Variants in FGF14 observed in about 807,000 individuals in gnomAD.
The protein encoded by FGF14 is fibroblast growth factor 14.
In FGF14, 5 loss-of-function variants were observed where a neutral mutation model predicts 25.5. The ratio of observed to expected loss-of-function variants is 0.20; its 90% CI spans 0.10 to 0.41. FGF14 has a LOEUF of 0.41. FGF14 is among the 10% of genes least tolerant of loss of function. FGF14 has a pLI of 1.00. For missense variants in FGF14, 222 were observed against 320.1 expected (o/e 0.69, Z 2.34); for synonymous variants, 138 against 118.3 (o/e 1.17, Z -1.08).
intron 1 of FGF14, among the ~76,000 whole-genome samples, chr13:102,258,374 G>A (rs1485220610): frequency 6.6e-6 from 1 of 152,080 alleles, no homozygotes; most frequent in Admixed American, 6.5e-5. Context: ...AAGCGACCAT[G>A]GAGGTCGCTT....
At chr13:101,725,994 C>T (rs990273989) in intron 4 of FGF14, among the ~76,000 whole-genome samples, 5 of 151,882 alleles carry the variant, frequency 3.3e-5, no homozygotes, top group African/African-American at 1.2e-4. Flanking sequence ...TATACCCCTT[C>T]CTGCACACAA....
intron 1 of FGF14, among the ~76,000 whole-genome samples, chr13:102,249,098 G>A (rs555722877): frequency 5.3e-5 from 8 of 152,248 alleles, no homozygotes; most frequent in South Asian, 2.1e-4. Flanking sequence ...ACATAAACCC[G>A]GAAACGTGAA....
intron 1 of FGF14, among the ~76,000 whole-genome samples, chr13:102,189,328 A>C (rs1009117463): frequency 2.0e-5 from 3 of 152,206 alleles, no homozygotes; most frequent in African/African-American, 7.2e-5. Flanking sequence ...GCAGTGATAA[A>C]ATCAGAGGTG....
At chr13:102,348,313 C>A (rs1451001036) in intron 1 of FGF14, among the ~76,000 whole-genome samples, 1 of 152,132 alleles carries the variant, frequency 6.6e-6, no homozygotes, top group Non-Finnish European at 1.5e-5. Flanking sequence ...CCTAAAAGAT[C>A]AGCAGCCTTG....
In FGF14 at chr13:102,173,935, A is replaced by G. The variant is rs143260176; in HGVS notation, c.208+227536T>C. On this transcript the variant is annotated intron_variant, in intron 1 of 4. Transcript: ENST00000376131. ...TATTCAGTATAGTACTGAAAGTCCT[A>G]GCCAGAGCAATCAGGCAAGAGAAAG... 5.3e-5 allele frequency among the ~76,000 whole-genome samples: 8 copies of G among 152,238 alleles called. No individual in the cohort carries two copies. The East Asian group carries it at 1.4e-3, about 26-fold the overall frequency.
At chr13:101,742,282 T>C (rs1268488078) in intron 3 of FGF14, among the ~76,000 whole-genome samples, 1 of 152,186 alleles carries the variant, frequency 6.6e-6, no homozygotes, top group African/African-American at 2.4e-5. Flanking sequence ...TGTATACCTA[T>C]GTAACAAACC....
intron 1 of FGF14, among the ~76,000 whole-genome samples, chr13:102,332,901 C>T (rs1241521934): frequency 6.6e-6 from 1 of 152,112 alleles, no homozygotes; most frequent in Admixed American, 6.6e-5. Context: ...ACAAACAAAT[C>T]AGAACTAAGA....
At chr13:102,180,528 G>A (rs1323492276) in intron 1 of FGF14, among the ~76,000 whole-genome samples, 2 of 152,040 alleles carry the variant, frequency 1.3e-5, no homozygotes, top group Non-Finnish European at 2.9e-5. Context: ...GGCCAGGCTG[G>A]TTTTGAACTC....
chr13:101,957,903 A>G (rs1357593973), intron 1 of FGF14, among the ~76,000 whole-genome samples: 2 of 152,210 alleles, frequency 1.3e-5, no homozygotes. Flanking sequence ...ACAAGAAAAA[A>G]AAATTGGTGA....
intron 1 of FGF14, among the ~76,000 whole-genome samples, chr13:102,261,412 T>C (rs552594368): frequency 2.0e-5 from 3 of 152,208 alleles, no homozygotes; most frequent in Non-Finnish European, 2.9e-5. Flanking sequence ...GAAAAACCAA[T>C]GTGAATGTAG....
intron 1 of FGF14, 80 bp from the exon 2 acceptor site, chr13:101,875,376 T>A (rs1488051195): frequency 9.0e-6 from 9 of 996,716 alleles, no homozygotes; most frequent in Non-Finnish European, 1.4e-5. Context: ...CTCTTTCTTT[T>A]TTCAGAAGAG....
intron 3 of FGF14, among the ~76,000 whole-genome samples, chr13:101,731,170 A>G (rs1283491169): frequency 2.0e-5 from 3 of 152,180 alleles, no homozygotes. Flanking sequence ...GTCCTAGTCT[A>G]ATTGATAGTT....
intron 1 of FGF14, among the ~76,000 whole-genome samples, chr13:101,903,167 A>T (rs867436038): frequency 1.3e-5 from 2 of 152,148 alleles, no homozygotes; most frequent in African/African-American, 4.8e-5. Context: ...CAGACTGAAG[A>T]TCTGAAATTC....
rs1444260715 is a variant in FGF14, at chr13:101,713,282, C to T, written c.*9549G>A. 1 of 152,126 alleles carries T rather than the reference C, an allele frequency of 6.6e-6. No individual in the cohort carries two copies. The highest frequency in any genetic ancestry group is 2.4e-5 in the African/African-American group (1 of 41,424). 9.4% of individuals were successfully genotyped at this position (152,126 alleles called of 1,614,324 possible). A position where few individuals can be genotyped will look rare whatever the true frequency, so the allele number is the denominator to read the frequency against. On this transcript the variant is annotated 3_prime_UTR_variant, in exon 5 of 5. Coordinates refer to ENST00000376143, the MANE Select transcript of FGF14 (RefSeq NM_004115.4). Reference sequence around the variant, plus strand: ...CCTTTTTCCTGATCACTTTAATCACCCAGGCTGTTAACTCATTTTTAATCA... The same window carrying T: ...CCTTTTTCCTGATCACTTTAATCACTCAGGCTGTTAACTCATTTTTAATCA...
At chr13:102,249,518 G>A (rs2052056610) in intron 1 of FGF14, among the ~76,000 whole-genome samples, 1 of 151,878 alleles carries the variant, frequency 6.6e-6, no homozygotes, top group African/African-American at 2.4e-5. Flanking sequence ...GTGACCAACA[G>A]CTCAGAGAAT....
At chr13:102,392,806 G>A (rs574438593) in intron 1 of FGF14, among the ~76,000 whole-genome samples, 1 of 152,176 alleles carries the variant, frequency 6.6e-6, no homozygotes, top group Admixed American at 6.5e-5. Flanking sequence ...ATTCTGGACC[G>A]CTCACCACTG....
intron 1 of FGF14, among the ~76,000 whole-genome samples, chr13:102,148,959 T>C (rs529405209): frequency 6.6e-6 from 1 of 152,306 alleles, no homozygotes; most frequent in South Asian, 2.1e-4. Flanking sequence ...GTGCCGCACA[T>C]GTATACACAC....
At chr13:101,934,818 G>A (rs984414408) in intron 1 of FGF14, among the ~76,000 whole-genome samples, 44 of 152,186 alleles carry the variant, frequency 2.9e-4, no homozygotes, top group Non-Finnish European at 2.9e-5. Flanking sequence ...GCTGCAGACT[G>A]TCTGCCGGGT....
At chr13:102,233,661 A>G (rs1263497664) in intron 1 of FGF14, among the ~76,000 whole-genome samples, 1 of 152,174 alleles carries the variant, frequency 6.6e-6, no homozygotes, top group Non-Finnish European at 1.5e-5. Flanking sequence ...GACTCCCCAT[A>G]GCTGAAGATG....
Sources: allele counts gnomAD v4.1 joint callset (sites outside exome capture counted in the v4.1 genomes callset), GRCh38; gene constraint gnomAD v4.1.1; transcripts MANE v1.5; gene names NCBI Gene and HGNC (gene_info 2026-07-23, HGNC 2026-07-21).